Variants in HDAC4 observed in about 807,000 individuals in gnomAD.
HDAC4 encodes the protein histone deacetylase A.
Under a neutral mutation model 135.1 loss-of-function variants are expected in HDAC4, and 16 were observed. The ratio of observed to expected loss-of-function variants is 0.12; its 90% CI spans 0.08 to 0.18. HDAC4 has a LOEUF of 0.18. Among genes scored for constraint, HDAC4 ranks in the 10% least tolerant of loss-of-function variants. The probability of loss-of-function intolerance (pLI) is 1.00; values close to 1 mark genes in which losing one functional copy is unlikely to be tolerated. For synonymous variants in HDAC4, 685 were observed against 653.4 expected, an observed-to-expected ratio of 1.05 and a Z score of -0.74; for missense variants, 1,143 against 1,511.8, an observed-to-expected ratio of 0.76 and a Z score of 4.05.
In HDAC4 at chr2:239,132,424, G is replaced by T. The variant is rs150331986; in HGVS notation, c.1294+1821C>A. On this transcript the variant is annotated intron_variant, in intron 11 of 26. Coordinates refer to ENST00000543185, the MANE Select transcript of HDAC4 (RefSeq NM_001378414.1). ...TGGGGAGGCTGTGCAGGAGAGAAGG[G>T]GCTTGCAGGGTTTTGGAGGTGGCGG... 2.9e-3 allele frequency among the ~76,000 whole-genome samples: 445 copies of T among 152,320 alleles called. 1 individual carries two copies. Among genetic ancestry groups the T allele is most frequent in the Non-Finnish European group, 5.1e-3 (350 of 68,028 alleles).
At chr2:239,097,882 C>G (rs2037257694) in intron 16 of HDAC4, among the ~76,000 whole-genome samples, 1 of 152,216 alleles carries the variant, frequency 6.6e-6, no homozygotes, top group Non-Finnish European at 1.5e-5. Flanking sequence ...CTGGGAGTGG[C>G]TCCGTGGGCC....
At chr2:239,085,553 C>T (rs2035852543) in intron 19 of HDAC4, among the ~76,000 whole-genome samples, 2 of 152,230 alleles carry the variant, frequency 1.3e-5, no homozygotes, top group Admixed American at 6.5e-5. Flanking sequence ...TATCCAACAA[C>T]TCAGGTTCAA....
At chr2:239,095,485 C>T (rs2036933984) in intron 16 of HDAC4, among the ~76,000 whole-genome samples, 1 of 152,180 alleles carries the variant, frequency 6.6e-6, no homozygotes, top group Non-Finnish European at 1.5e-5. Flanking sequence ...AGCCCCCTCC[C>T]ATGGCAAACA....
chr2:239,094,851 C>A (rs1195769086), intron 17 of HDAC4, 159 bp downstream of exon 17: 5 of 1,553,740 alleles, frequency 3.2e-6, no homozygotes, highest in Non-Finnish European at 2.6e-6. Context: ...AAAACGCTCT[C>A]GGCTCACACG....
intron 6 of HDAC4, chr2:239,162,094 C>T: frequency 2.2e-6 from 1 of 456,566 alleles, no homozygotes; most frequent in South Asian, 1.5e-5. Flanking sequence ...CTGGGGGCTG[C>T]CCTGTGCTCA....
chr2:239,082,288 C>G (rs899889607), intron 20 of HDAC4, 67 bp from the exon 21 acceptor site: 2 of 1,598,396 alleles, frequency 1.3e-6, no homozygotes, highest in Non-Finnish European at 1.7e-6. Flanking sequence ...CCCTGAGGGC[C>G]GTCCCCAACC....
At chr2:239,224,837 G>A (rs1443383027) in intron 3 of HDAC4, among the ~76,000 whole-genome samples, 1 of 152,194 alleles carries the variant, frequency 6.6e-6, no homozygotes, top group African/African-American at 2.4e-5. Context: ...CCTCCACAGC[G>A]ATTCTCGCCT....
At chr2:239,071,330 G>A (rs757570949) in intron 22 of HDAC4, among the ~76,000 whole-genome samples, 10 of 152,094 alleles carry the variant, frequency 6.6e-5, no homozygotes, top group East Asian at 1.9e-4. Context: ...TGAGAGAATC[G>A]CTTGAACCCA....
chr2:239,288,001 G>C (rs989209088), intron 2 of HDAC4, among the ~76,000 whole-genome samples: 1 of 151,332 alleles, frequency 6.6e-6, no homozygotes, highest in Non-Finnish European at 1.5e-5. Context: ...AATAGTCTGA[G>C]GTTAATTTTT....
intron 4 of HDAC4, among the ~76,000 whole-genome samples, chr2:239,187,775 C>T (rs1010699737): frequency 9.2e-5 from 14 of 152,284 alleles, no homozygotes; most frequent in Admixed American, 2.6e-4. Context: ...ACCCTAAACT[C>T]GAGTGTGCTT....
intron 2 of HDAC4, among the ~76,000 whole-genome samples, chr2:239,347,031 A>C (rs2125899262): frequency 6.6e-6 from 1 of 151,596 alleles, no homozygotes; most frequent in Middle Eastern, 3.4e-3. Flanking sequence ...ACACCCTAAC[A>C]CACATACACC....
At chr2:239,208,051 G>A (rs2046142891) in intron 3 of HDAC4, among the ~76,000 whole-genome samples, 1 of 151,996 alleles carries the variant, frequency 6.6e-6, no homozygotes, top group South Asian at 2.1e-4. Context: ...GGCCGGGCGC[G>A]GTGGCTCACG....
In HDAC4 at chr2:239,146,452, T is replaced by A. The variant is rs1025384696; in HGVS notation, c.734-1738A>T. ...GAAAGGTCTTCCTCAGTGGCTGCCCTGCCACATAGAGTGGGACACGTGGCA... is the reference window on the plus strand; with the variant it reads ...GAAAGGTCTTCCTCAGTGGCTGCCCAGCCACATAGAGTGGGACACGTGGCA... On this transcript the variant is annotated intron_variant, in intron 7 of 26. Coordinates refer to ENST00000543185, the MANE Select transcript of HDAC4 (RefSeq NM_001378414.1). The surrounding 1 kb of genome is among the most constrained non-coding windows in gnomAD (Gnocchi z 4.5). Among the ~76,000 whole-genome samples, 1 of 152,104 alleles carries A rather than the reference T, an allele frequency of 6.6e-6. No homozygotes were observed. The highest frequency in any genetic ancestry group is 2.4e-5 in the African/African-American group (1 of 41,416).
chr2:239,268,498 C>G (rs1453701127), intron 2 of HDAC4, among the ~76,000 whole-genome samples: 4 of 152,232 alleles, frequency 2.6e-5, no homozygotes, highest in Non-Finnish European at 4.4e-5. Flanking sequence ...TTCTAACTTA[C>G]CACAAAAAGG....
chr2:239,171,169 C>CAAAAAAAAAAAAAAAAAAAAAAAAAA (rs34204026), intron 5 of HDAC4, among the ~76,000 whole-genome samples: 1 of 114,384 alleles, frequency 8.7e-6, no homozygotes, highest in Admixed American at 8.3e-5. Context: ...ACAATCTGAC[C>CAAAAAAAAAAAAAAAAAAAAAAAAAA]AAAAAAAAAA....
Position 239,262,108 on chromosome 2 carries a change from G to A in HDAC4, c.23-25444C>T, listed in dbSNP as rs915264096. Among the ~76,000 whole-genome samples, 19 of 152,278 alleles carry A rather than the reference G, an allele frequency of 1.2e-4. No individual in the cohort carries two copies. The highest frequency in any genetic ancestry group is 6.2e-4 in the South Asian group (3 of 4,824). On this transcript the variant is annotated intron_variant, in intron 2 of 26. Coordinates refer to ENST00000543185, the MANE Select transcript of HDAC4 (RefSeq NM_001378414.1). The surrounding 1 kb of genome is among the most constrained non-coding windows in gnomAD (Gnocchi z 4.1). ...GAGGGACCCTCCCAACCACGCCAGC[G>A]CCGCCTGCAGTGACGCCGGGCCACG...
At chr2:239,084,327 T>C (rs909212172) in intron 19 of HDAC4, 85 bp from the exon 20 acceptor site, 5 of 909,550 alleles carry the variant, frequency 5.5e-6, no homozygotes, top group Non-Finnish European at 8.9e-6. Flanking sequence ...CCACTCGGGG[T>C]CCACGCAGAC....
At chr2:239,075,665 G>A (rs1031649161) in intron 22 of HDAC4, among the ~76,000 whole-genome samples, 2 of 152,240 alleles carry the variant, frequency 1.3e-5, no homozygotes, top group South Asian at 2.1e-4. Context: ...AAGCCGTGGG[G>A]TGCCACGCAT....
intron 3 of HDAC4, among the ~76,000 whole-genome samples, chr2:239,224,757 A>G (rs1054714779): frequency 7.9e-5 from 12 of 152,230 alleles, no homozygotes; most frequent in Non-Finnish European, 1.5e-4. Flanking sequence ...AATATGAATG[A>G]GTGAATGAAT....
Sources: allele counts gnomAD v4.1 joint callset (sites outside exome capture counted in the v4.1 genomes callset), GRCh38; gene constraint gnomAD v4.1.1; non-coding constraint Gnocchi (gnomAD v3.1); transcripts MANE v1.5; gene names NCBI Gene and HGNC (gene_info 2026-07-23, HGNC 2026-07-21).